The following ZBTB20 variants were observed in gnomAD, a reference collection of about 807,000 sequenced individuals.
The protein encoded by ZBTB20 is zinc finger and BTB domain containing 20.
In ZBTB20, 9 loss-of-function variants were observed where a neutral mutation model predicts 56.9. That is an observed-to-expected ratio of 0.16 (90% CI 0.10 to 0.28). The LOEUF (loss-of-function observed/expected upper bound fraction) is 0.28, where lower values mean the gene tolerates loss of function less well. Among genes scored for constraint, ZBTB20 ranks in the 10% least tolerant of loss-of-function variants. The pLI is 1.00. For synonymous variants in ZBTB20, 417 were observed against 420.7 expected, an observed-to-expected ratio of 0.99 and a Z score of 0.11; for missense variants, 655 against 1,003.0, an observed-to-expected ratio of 0.65 and a Z score of 4.69.
At chr3:114,354,707 G>A (rs544028140) in intron 10 of ZBTB20, among the ~76,000 whole-genome samples, 1 of 151,254 alleles carries the variant, frequency 6.6e-6, no homozygotes, top group South Asian at 2.1e-4. Flanking sequence ...TCAGCCTCTC[G>A]AGTAGCTGGG....
chr3:114,910,536 A>G (rs1426778499), intron 3 of ZBTB20, among the ~76,000 whole-genome samples: 2 of 152,024 alleles, frequency 1.3e-5, no homozygotes, highest in African/African-American at 4.8e-5. Context: ...AAGAGGTACA[A>G]GCTAGCCAAA....
At position 115,141,010 on chromosome 3, in the gene ZBTB20, T is replaced by C. The variant is rs2084797739; in HGVS notation, c.-703+6209A>G. Among the ~76,000 whole-genome samples the C allele has an allele frequency of 2.0e-5, 3 of 152,124 alleles. No homozygotes were observed. The South Asian group carries it at 6.2e-4, about 31-fold the overall frequency. ...ATTAATATTGCTATTTTTATTGATA[T>C]AATTAGCACTGCTATAAATAATTTC... On this transcript the variant is annotated intron_variant, in intron 1 of 11. Coordinates refer to ENST00000675478, the MANE Select transcript of ZBTB20 (RefSeq NM_001348800.3).
intron 2 of ZBTB20, among the ~76,000 whole-genome samples, chr3:115,053,303 G>C (rs1179070022): frequency 6.6e-6 from 1 of 152,124 alleles, no homozygotes; most frequent in African/African-American, 2.4e-5. Flanking sequence ...TTGTTTGTTT[G>C]TTTTGCTTTG....
At chr3:114,905,968 T>C (rs1291902584) in intron 3 of ZBTB20, among the ~76,000 whole-genome samples, 3 of 151,900 alleles carry the variant, frequency 2.0e-5, no homozygotes, top group Admixed American at 2.0e-4. Flanking sequence ...CTATAGTTCC[T>C]GAGACAGATA....
intron 1 of ZBTB20, among the ~76,000 whole-genome samples, chr3:115,128,624 A>AC (rs1333739302): frequency 6.6e-6 from 1 of 151,232 alleles, no homozygotes; most frequent in Non-Finnish European, 1.5e-5. Flanking sequence ...AGATGACGCC[A>AC]CTGCACTCCA....
At chr3:115,008,274 C>T (rs920330898) in intron 2 of ZBTB20, among the ~76,000 whole-genome samples, 4 of 151,888 alleles carry the variant, frequency 2.6e-5, no homozygotes, top group Non-Finnish European at 5.9e-5. Flanking sequence ...ATTCCCGTCT[C>T]TTTTAATGGC....
intron 2 of ZBTB20, among the ~76,000 whole-genome samples, chr3:114,976,567 A>C (rs2078108085): frequency 1.3e-5 from 2 of 151,946 alleles, no homozygotes; most frequent in African/African-American, 4.8e-5. Flanking sequence ...TGGAGGTTGC[A>C]GTGAGCCAAG....
intron 3 of ZBTB20, among the ~76,000 whole-genome samples, chr3:114,932,349 T>C (rs2076389854): frequency 6.6e-6 from 1 of 152,242 alleles, no homozygotes; most frequent in African/African-American, 2.4e-5. Context: ...AATCTTGTCT[T>C]TGATCCATGG....
At chr3:114,472,056 A>G (rs1043921553) in intron 7 of ZBTB20, among the ~76,000 whole-genome samples, 1 of 152,174 alleles carries the variant, frequency 6.6e-6, no homozygotes, top group Non-Finnish European at 1.5e-5. Context: ...AATTTTATGA[A>G]AAGACAGTTC....
At chr3:114,792,187 C>T (rs961857273) in intron 5 of ZBTB20, 1 of 152,186 alleles carries the variant, frequency 6.6e-6, no homozygotes, top group South Asian at 2.1e-4. Flanking sequence ...CCTTTGAGAA[C>T]AAAACATTGA....
In ZBTB20 at chr3:114,338,783, G is replaced by C; in HGVS notation, c.*222C>G. On this transcript the variant is annotated 3_prime_UTR_variant, in exon 12 of 12. Coordinates refer to ENST00000675478, the MANE Select transcript of ZBTB20 (RefSeq NM_001348800.3). ...CAGGCCTTAAGGCCACCATCCGAGGGAGACTGGGAAAACTATTATTCACCC... is the reference window on the plus strand; with the variant it reads ...CAGGCCTTAAGGCCACCATCCGAGGCAGACTGGGAAAACTATTATTCACCC... 2.2e-6 allele frequency: 1 copy of C among 457,936 alleles called. No homozygotes were observed. The highest frequency in any genetic ancestry group is 6.1e-5 in the South Asian group (1 of 16,296). 28.4% of individuals were successfully genotyped at this position (457,936 alleles called of 1,614,324 possible). A position where few individuals can be genotyped will look rare whatever the true frequency, so the allele number is the denominator to read the frequency against.
chr3:114,881,976 A>G (rs936331022), intron 4 of ZBTB20, among the ~76,000 whole-genome samples: 7 of 151,914 alleles, frequency 4.6e-5, no homozygotes, highest in Non-Finnish European at 1.0e-4. Context: ...TATTGAAAAA[A>G]TGAAACTACA....
At chr3:114,980,280 A>ATTATT (rs2078274715) in intron 2 of ZBTB20, among the ~76,000 whole-genome samples, 7 of 152,042 alleles carry the variant, frequency 4.6e-5, no homozygotes, top group Admixed American at 1.3e-4. Context: ...TACACAATCT[A>ATTATT]ACCTGCTTAA....
chr3:114,936,853 T>A (rs889554218), intron 3 of ZBTB20, among the ~76,000 whole-genome samples: 1 of 152,114 alleles, frequency 6.6e-6, no homozygotes, highest in Non-Finnish European at 1.5e-5. Context: ...CAAGGTGAAT[T>A]GGGTATGTGA....
At chr3:115,047,617 T>C (rs1378168964) in intron 2 of ZBTB20, among the ~76,000 whole-genome samples, 2 of 152,166 alleles carry the variant, frequency 1.3e-5, no homozygotes, top group Non-Finnish European at 2.9e-5. Context: ...AACAGAAAAG[T>C]AACAATGAAT....
intron 6 of ZBTB20, among the ~76,000 whole-genome samples, chr3:114,643,806 A>G (rs1228544699): frequency 1.3e-5 from 2 of 152,058 alleles, no homozygotes; most frequent in Non-Finnish European, 2.9e-5. Flanking sequence ...TTCAAATAGA[A>G]GAGTATTTTA....
At chr3:114,672,918 A>G (rs926603630) in intron 6 of ZBTB20, among the ~76,000 whole-genome samples, 2 of 152,104 alleles carry the variant, frequency 1.3e-5, no homozygotes, top group African/African-American at 4.8e-5. Context: ...TCAGATGTCA[A>G]TGGCCCTTTC....
chr3:114,446,665 C>CTTACATG (rs1432466334), intron 7 of ZBTB20, among the ~76,000 whole-genome samples: 1 of 152,110 alleles, frequency 6.6e-6, no homozygotes, highest in Non-Finnish European at 1.5e-5. Flanking sequence ...AAGTGTTTGA[C>CTTACATG]AAAAGCATGT....
chr3:114,461,608 A>G (rs1463206732), intron 7 of ZBTB20, among the ~76,000 whole-genome samples: 1 of 152,140 alleles, frequency 6.6e-6, no homozygotes. Flanking sequence ...CCCAGCCCCT[A>G]TCCAAACTTT....
Sources: gnomAD v4.1 joint callset for allele counts (sites outside exome capture counted in the v4.1 genomes callset) on GRCh38, gnomAD v4.1.1 for gene constraint, MANE v1.5 for transcripts, NCBI Gene and HGNC (gene_info 2026-07-23, HGNC 2026-07-21) for gene names.